The following TLR7 variants were observed in gnomAD, a reference collection of about 807,000 sequenced individuals.
The protein encoded by TLR7 is toll-like receptor 7.
TLR7 carries 12 observed loss-of-function variants against 38.3 expected under a neutral mutation model. That is an observed-to-expected ratio of 0.31 (90% CI 0.20 to 0.51). The LOEUF (loss-of-function observed/expected upper bound fraction) is 0.51, where lower values mean the gene tolerates loss of function less well. TLR7 is among the 20% of genes least tolerant of loss of function. The pLI is 0.98. For missense variants in TLR7, 504 were observed against 743.4 expected (o/e 0.68, Z 3.74); for synonymous variants, 285 against 293.8 (o/e 0.97, Z 0.31).
chrX:12,887,806 C>T lies in TLR7; in HGVS notation c.2298C>T (p.Ser766=), dbSNP rs751097438. The part of the protein sequence containing the change: ...SNKIQMIQKT[S]FPENVLNNLK... ...AAATCCAGATGATCCAAAAGACCAG[C>T]TTCCCAGAAAATGTCCTCAACAATC... The change falls in exon 3 of 3, where the codon AGC becomes AGT. Residue 766 remains serine, a synonymous_variant. Transcript: ENST00000380659. The T allele has an allele frequency of 4.9e-6, 6 of 1,212,252 alleles. No individual in the cohort carries two copies. The South Asian group carries it at 1.1e-4, about 21-fold the overall frequency.
At chrX:12,869,786 G>A (rs774018301) in intron 2 of TLR7, among the ~76,000 whole-genome samples, 1 of 99,212 alleles carries the variant, frequency 1.0e-5, no homozygotes, top group African/African-American at 3.8e-5. Flanking sequence ...AGAAGTGATC[G>A]TGGACATGGA....
At chrX:12,881,419 A>G (rs1044674193) in intron 2 of TLR7, among the ~76,000 whole-genome samples, 1 of 108,018 alleles carries the variant, frequency 9.3e-6, no homozygotes, top group Non-Finnish European at 1.9e-5. Flanking sequence ...TTTTTAATAA[A>G]TAAATGAGTC....
At position 12,887,754 on chromosome X, in the gene TLR7, T is replaced by G; in HGVS notation, c.2246T>G (p.Leu749Trp). 1 of 1,211,328 alleles carries G rather than the reference T, an allele frequency of 8.3e-7. No homozygotes were observed. Among genetic ancestry groups the G allele is most frequent in the Non-Finnish European group, 1.1e-6 (1 of 894,984 alleles). The part of the protein sequence containing the change: ...TKYFLQDAFQ[L>W]RYLDLSSNKI... ...TATTTTCTACAAGATGCCTTCCAGT[T>G]GCGATATCTGGATCTCAGCTCAAAT... The change falls in exon 3 of 3, where the codon TTG becomes TGG. Residue 749 changes from leucine to tryptophan, a missense_variant. By Grantham distance (61) the Leu-to-Trp change is moderately conservative (BLOSUM62 -2). Coordinates refer to ENST00000380659, the MANE Select transcript of TLR7 (RefSeq NM_016562.4).
chrX:12,890,043 A>G lies in TLR7; in HGVS notation c.*1385A>G, dbSNP rs200045264. On this transcript the variant is annotated 3_prime_UTR_variant, in exon 3 of 3. Coordinates refer to ENST00000380659, the MANE Select transcript of TLR7 (RefSeq NM_016562.4). ...CAAAAACAACAGAAAGAACCAAGAC[A>G]TTCTTAAGATGCCTGTACTTTCAGC... The G allele has an allele frequency of 4.4e-5, 5 of 112,964 alleles. No homozygotes were observed. The highest frequency in any genetic ancestry group is 9.4e-5 in the Non-Finnish European group (5 of 53,427). The allele number at this position is 112,964 out of a possible 1,213,427, so 9.3% of individuals were successfully genotyped here.
At position 12,886,648 on chromosome X, in the gene TLR7, T is replaced by C. The variant is rs1353692335; in HGVS notation, c.1140T>C (p.Tyr380=). ...TGAAAATTCTGCGGATCAGAGGATA[T>C]GTCTTTAAAGAGTTGAAAAGCTTTA... The part of the protein sequence containing the change: ...KSLKILRIRG[Y]VFKELKSFNL... The change falls in exon 3 of 3, where the codon TAT becomes TAC. Residue 380 remains tyrosine (Y), a synonymous_variant. Coordinates refer to ENST00000380659, the MANE Select transcript of TLR7 (RefSeq NM_016562.4). The C allele has an allele frequency of 6.6e-6, 8 of 1,212,063 alleles. No homozygotes were observed. Among genetic ancestry groups the C allele is most frequent in the Non-Finnish European group, 7.8e-6 (7 of 895,428 alleles).
intron 2 of TLR7, among the ~76,000 whole-genome samples, chrX:12,883,287 G>A (rs764429752): frequency 3.6e-5 from 4 of 112,173 alleles, no homozygotes; most frequent in Non-Finnish European, 5.6e-5. Context: ...TGAGGTATCT[G>A]AGTGCTCCTT....
At chrX:12,872,946 T>G (rs1423870710) in intron 2 of TLR7, among the ~76,000 whole-genome samples, 1 of 110,522 alleles carries the variant, frequency 9.0e-6, no homozygotes, top group East Asian at 2.8e-4. Context: ...AAATTTGCAA[T>G]GCATCTGCAT....
chrX:12,871,147 C>T (rs2042851275), intron 2 of TLR7, among the ~76,000 whole-genome samples: 2 of 111,928 alleles, frequency 1.8e-5, no homozygotes, highest in South Asian at 7.5e-4. Context: ...AAGTGGTTTA[C>T]AACCTTGTAC....
Position 12,885,937 on chromosome X carries a change from G to A in TLR7, c.429G>A (p.Pro143=), listed in dbSNP as rs1341054327. 3.3e-6 allele frequency: 4 copies of A among 1,211,600 alleles called. No individual in the cohort carries two copies. The highest frequency in any genetic ancestry group is 2.2e-5 in the Admixed American group (1 of 46,024). Residue 143 remains proline, a synonymous_variant, in exon 3 of 3, where the codon CCG becomes CCA. Transcript: ENST00000380659. ...YLDGNQLLEI[P]QGLPPSLQLL... is the part of the protein sequence containing the mutation. ...ATGGAAACCAGCTACTAGAGATACC[G>A]CAGGGCCTCCCGCCTAGCTTACAGC...
At chrX:12,876,205 G>A (rs998877958) in intron 2 of TLR7, among the ~76,000 whole-genome samples, 2 of 111,546 alleles carry the variant, frequency 1.8e-5, no homozygotes, top group East Asian at 2.8e-4. Context: ...TGATCCTCCC[G>A]CCTTGGACTC....
Position 12,888,659 on chromosome X carries a change from C to A in TLR7, c.*1C>A. The A allele has an allele frequency of 8.5e-7, 1 of 1,183,296 alleles. No individual in the cohort carries two copies. The highest frequency in any genetic ancestry group is 2.4e-4 in the Middle Eastern group (1 of 4,209). Reference sequence around the variant, plus strand: ...TCAGGTGTTCAAGGAAACGGTCTAGCCCTTCTTTGCAAAACACAACTGCCT... The same window carrying A: ...TCAGGTGTTCAAGGAAACGGTCTAGACCTTCTTTGCAAAACACAACTGCCT... On this transcript the variant is annotated 3_prime_UTR_variant, in exon 3 of 3. Coordinates refer to ENST00000380659, the MANE Select transcript of TLR7 (RefSeq NM_016562.4).
In TLR7 at chrX:12,890,215, C is replaced by A. The variant is rs201409174; in HGVS notation, c.*1557C>A. The A allele has an allele frequency of 8.9e-6, 1 of 112,942 alleles. No individual in the cohort carries two copies. Among genetic ancestry groups the A allele is most frequent in the Non-Finnish European group, 1.9e-5 (1 of 53,432 alleles). 9.3% of individuals were successfully genotyped at this position (112,942 alleles called of 1,213,427 possible). A position where few individuals can be genotyped will look rare whatever the true frequency, so the allele number is the denominator to read the frequency against. ...GATTGGCGATGTCGTATTTTCCTCACGTGTGGCAATGCCAAAGGCTTTACT... is the reference window on the plus strand; with the variant it reads ...GATTGGCGATGTCGTATTTTCCTCAAGTGTGGCAATGCCAAAGGCTTTACT... On this transcript the variant is annotated 3_prime_UTR_variant, in exon 3 of 3. Coordinates refer to ENST00000380659, the MANE Select transcript of TLR7 (RefSeq NM_016562.4).
At position 12,886,936 on chromosome X, in the gene TLR7, A is replaced by G; in HGVS notation, c.1428A>G (p.Arg476=). 10 of 1,210,942 alleles carry G rather than the reference A, an allele frequency of 8.3e-6. No individual in the cohort carries two copies. The highest frequency in any genetic ancestry group is 1.1e-5 in the Non-Finnish European group (10 of 895,092). The change falls in exon 3 of 3, where the codon AGA becomes AGG. Residue 476 remains arginine (R), a synonymous_variant. Coordinates refer to ENST00000380659, the MANE Select transcript of TLR7 (RefSeq NM_016562.4). ...ATGATAAGTATGCAAGGAGTTGCAGATTCAAAAACAAAGAGGCTTCTTTCA... is the reference window on the plus strand; with the variant it reads ...ATGATAAGTATGCAAGGAGTTGCAGGTTCAAAAACAAAGAGGCTTCTTTCA... ...FRYDKYARSC[R]FKNKEASFMS...
At chrX:12,885,317 T>C in intron 2 of TLR7, among the ~76,000 whole-genome samples, 195 bp from the exon 3 acceptor site, 1 of 112,517 alleles carries the variant, frequency 8.9e-6, no homozygotes, top group Non-Finnish European at 1.9e-5. Flanking sequence ...AAGCTAAATA[T>C]GTAACTAAAT....
Position 12,880,813 on chromosome X carries a change from A to G in TLR7, c.4-4699A>G, listed in dbSNP as rs2042888480. 2.7e-5 allele frequency among the ~76,000 whole-genome samples: 3 copies of G among 111,465 alleles called. No homozygotes were observed. The South Asian group carries it at 1.1e-3, about 42-fold the overall frequency. On this transcript the variant is annotated intron_variant, in intron 2 of 2. Coordinates refer to ENST00000380659, the MANE Select transcript of TLR7 (RefSeq NM_016562.4). ...GACATCATACGAATAAGCAACATAA[A>G]TCATCAAGATAATTTCTGACCGTGG...
In TLR7 at chrX:12,888,209, G is replaced by A; in HGVS notation, c.2701G>A (p.Asp901Asn). Reference sequence around the variant, plus strand: ...TGCTTTTATTGTGTATGACACTAAAGACCCAGCTGTGACCGAGTGGGTTTT... The same window carrying A: ...TGCTTTTATTGTGTATGACACTAAAAACCCAGCTGTGACCGAGTGGGTTTT... ...YDAFIVYDTK[D>N]PAVTEWVLAE... Residue 901 changes from aspartate to asparagine, a missense_variant, in exon 3 of 3, where the codon GAC becomes AAC. Coordinates refer to ENST00000380659, the MANE Select transcript of TLR7 (RefSeq NM_016562.4). 8.3e-7 allele frequency: 1 copy of A among 1,211,453 alleles called. No homozygotes were observed. The highest frequency in any genetic ancestry group is 1.1e-6 in the Non-Finnish European group (1 of 895,309).
At chrX:12,872,921 T>C (rs2042858160) in intron 2 of TLR7, among the ~76,000 whole-genome samples, 1 of 109,672 alleles carries the variant, frequency 9.1e-6, no homozygotes, top group Non-Finnish European at 1.9e-5. Context: ...TCAGACCAAC[T>C]GATTGTCAGC....
At position 12,885,942 on chromosome X, in the gene TLR7, G is replaced by A. The variant is rs137927123; in HGVS notation, c.434G>A (p.Gly145Asp). ...AACCAGCTACTAGAGATACCGCAGGGCCTCCCGCCTAGCTTACAGCTTCTC... is the reference window on the plus strand; with the variant it reads ...AACCAGCTACTAGAGATACCGCAGGACCTCCCGCCTAGCTTACAGCTTCTC... ...DGNQLLEIPQ[G>D]LPPSLQLLSL... The change falls in exon 3 of 3, where the codon GGC becomes GAC. Residue 145 changes from glycine to aspartate, a missense_variant. Physicochemically the swap from Gly to Asp is moderately conservative, Grantham distance 94. Coordinates refer to ENST00000380659, the MANE Select transcript of TLR7 (RefSeq NM_016562.4). 2 of 1,210,091 alleles carry A rather than the reference G, an allele frequency of 1.7e-6. No homozygotes were observed. The highest frequency in any genetic ancestry group is 3.5e-5 in the African/African-American group (2 of 57,152).
chrX:12,882,880 G>C (rs1316441585), intron 2 of TLR7, among the ~76,000 whole-genome samples: 1 of 111,742 alleles, frequency 8.9e-6, no homozygotes, highest in Non-Finnish European at 1.9e-5. Flanking sequence ...AGGTACATGG[G>C]AATGGGATGG....
Sources: allele counts gnomAD v4.1 joint callset (sites outside exome capture counted in the v4.1 genomes callset), GRCh38; gene constraint gnomAD v4.1.1; transcripts MANE v1.5; gene names NCBI Gene and HGNC (gene_info 2026-07-23, HGNC 2026-07-21).